The following KCNK2 variants were observed in gnomAD, a reference collection of about 807,000 sequenced individuals.
KCNK2 encodes the protein potassium two pore domain channel subfamily K member 2.
In KCNK2, 21 loss-of-function variants were observed where a neutral mutation model predicts 40.5. That is an observed-to-expected ratio of 0.52 (90% CI 0.37 to 0.75). The LOEUF (loss-of-function observed/expected upper bound fraction) is 0.75. KCNK2 is among the 30% of genes least tolerant of loss of function. The probability of loss-of-function intolerance (pLI) is 0.00; values close to 1 mark genes in which losing one functional copy is unlikely to be tolerated. For missense variants in KCNK2, 399 were observed against 531.6 expected (o/e 0.75, Z 2.45); for synonymous variants, 191 against 202.2 (o/e 0.94, Z 0.47).
At chr1:215,141,538 C>A (rs566093173) in intron 3 of KCNK2, among the ~76,000 whole-genome samples, 2 of 152,144 alleles carry the variant, frequency 1.3e-5, no homozygotes, top group South Asian at 4.1e-4. Context: ...ATTTATCTCA[C>A]GATTAGTTTA....
chr1:215,045,377 C>G (rs1657732386), intron 1 of KCNK2, among the ~76,000 whole-genome samples: 1 of 152,146 alleles, frequency 6.6e-6, no homozygotes, highest in African/African-American at 2.4e-5. Context: ...GGTCTTTGTA[C>G]TATTAATTAT....
At chr1:215,024,419 A>T (rs2102480674) in intron 1 of KCNK2, among the ~76,000 whole-genome samples, 1 of 152,270 alleles carries the variant, frequency 6.6e-6, no homozygotes, top group Non-Finnish European at 1.5e-5. Context: ...AGTGAATAAT[A>T]TGTTTCTAAT....
chr1:215,039,583 A>G (rs1229914892), intron 1 of KCNK2, among the ~76,000 whole-genome samples: 1 of 152,172 alleles, frequency 6.6e-6, no homozygotes. Flanking sequence ...AGGTAATCAC[A>G]AAACTTAGAG....
intron 5 of KCNK2, among the ~76,000 whole-genome samples, chr1:215,183,967 G>T (rs768504218): frequency 5.9e-5 from 9 of 152,146 alleles, no homozygotes; most frequent in Non-Finnish European, 1.0e-4. Flanking sequence ...TGAAGATGGG[G>T]ACACTTTTAT....
At position 215,007,203 on chromosome 1, in the gene KCNK2, A is replaced by ATGTGTGTG. The variant is rs1558054298; in HGVS notation, c.34+1249_34+1250insGTGTGTGT. Among the ~76,000 whole-genome samples the ATGTGTGTG allele has an allele frequency of 5.2e-4, 31 of 60,024 alleles. 3 individuals carry two copies. In the East Asian group the frequency reaches 0.016, roughly 30 times the overall value. The allele number at this position is 60,024 out of a possible 152,430, so 39.4% of individuals were successfully genotyped here. ...TGTGTGGGTATATATATATATATAT[A>ATGTGTGTG]TATATATATATATATATATATATAG... is the stretch of plus-strand genomic sequence containing the variant. On this transcript the variant is annotated intron_variant, in intron 1 of 6. Coordinates refer to the KCNK2 transcript ENST00000391895.
chr1:215,194,876 T>A (rs1664798811), intron 5 of KCNK2, 77 bp from the exon 6 acceptor site: 18 of 1,360,278 alleles, frequency 1.3e-5, no homozygotes, highest in Non-Finnish European at 1.7e-5. Context: ...AAAATTTAGT[T>A]AGTAATTTTA....
intron 1 of KCNK2, among the ~76,000 whole-genome samples, chr1:215,049,198 T>A (rs2102498177): frequency 6.6e-6 from 1 of 152,326 alleles, no homozygotes; most frequent in East Asian, 1.9e-4. Flanking sequence ...AGATATATAG[T>A]GGTAACTATC....
At chr1:215,161,078 T>C (rs1663172602) in intron 3 of KCNK2, among the ~76,000 whole-genome samples, 1 of 152,212 alleles carries the variant, frequency 6.6e-6, no homozygotes, top group African/African-American at 2.4e-5. Context: ...TGCCTCTCTA[T>C]AAACATCTTC....
chr1:215,114,788 A>G (rs541704132), intron 2 of KCNK2, among the ~76,000 whole-genome samples: 1 of 152,266 alleles, frequency 6.6e-6, no homozygotes, highest in Non-Finnish European at 1.5e-5. Flanking sequence ...GGAGCCTAAA[A>G]GCACAGAAAT....
chr1:215,226,404 T>C (rs1411591019), intron 6 of KCNK2, among the ~76,000 whole-genome samples: 7 of 152,104 alleles, frequency 4.6e-5, no homozygotes, highest in Admixed American at 4.6e-4. Context: ...CGGCTCACTG[T>C]AACCTCCGCC....
intron 5 of KCNK2, among the ~76,000 whole-genome samples, chr1:215,181,966 G>A (rs996788926): frequency 1.3e-5 from 2 of 152,192 alleles, no homozygotes; most frequent in African/African-American, 4.8e-5. Context: ...GCCACTGAGT[G>A]TCCAGAAGTG....
chr1:215,197,098 A>C (rs975560988), intron 6 of KCNK2, among the ~76,000 whole-genome samples: 2 of 152,218 alleles, frequency 1.3e-5, no homozygotes, highest in Non-Finnish European at 2.9e-5. Flanking sequence ...CCACTAAGGC[A>C]CAGATAGTAC....
chr1:215,092,346 A>C (rs1659725687), intron 2 of KCNK2, among the ~76,000 whole-genome samples: 1 of 152,142 alleles, frequency 6.6e-6, no homozygotes, highest in Non-Finnish European at 1.5e-5. Flanking sequence ...GGTTTTGGGC[A>C]TAATGTCAGG....
At chr1:215,054,737 G>A (rs187912589) in intron 1 of KCNK2, among the ~76,000 whole-genome samples, 17 of 152,308 alleles carry the variant, frequency 1.1e-4, no homozygotes, top group Admixed American at 1.0e-3. Context: ...ATGGAGACGT[G>A]TTTTGAGTTA....
intron 5 of KCNK2, among the ~76,000 whole-genome samples, chr1:215,194,207 A>G (rs1223106942): frequency 6.6e-6 from 1 of 152,176 alleles, no homozygotes; most frequent in Non-Finnish European, 1.5e-5. Flanking sequence ...AAATGAACCC[A>G]GATTCTTATA....
upstream of KCNK2, among the ~76,000 whole-genome samples, chr1:215,081,089 A>G (rs577432848): frequency 1.3e-4 from 20 of 152,164 alleles, no homozygotes; most frequent in Non-Finnish European, 2.9e-4. Context: ...TGTAGATTTC[A>G]GAGGGACCTT....
At chr1:215,180,189 T>G (rs1664167330) in intron 5 of KCNK2, among the ~76,000 whole-genome samples, 1 of 152,170 alleles carries the variant, frequency 6.6e-6, no homozygotes. Flanking sequence ...TCTACTCTTT[T>G]TCATGTTCTG....
chr1:215,080,687 A>G (rs1042415957), upstream of KCNK2, among the ~76,000 whole-genome samples: 5 of 152,204 alleles, frequency 3.3e-5, no homozygotes, highest in African/African-American at 1.2e-4. Context: ...ATCATGTGAC[A>G]AGTATAAAGA....
chr1:215,127,399 T>C (rs1007916515), intron 3 of KCNK2, among the ~76,000 whole-genome samples: 1 of 152,224 alleles, frequency 6.6e-6, no homozygotes, highest in East Asian at 1.9e-4. Context: ...TCCAAAGTTA[T>C]ACCCTTCCAA....
Sources: gnomAD v4.1 joint callset for allele counts (sites outside exome capture counted in the v4.1 genomes callset) on GRCh38, gnomAD v4.1.1 for gene constraint, MANE v1.5 for transcripts, NCBI Gene and HGNC (gene_info 2026-07-23, HGNC 2026-07-21) for gene names.